TRMT1L: variants seen among roughly 807,000 people sequenced by gnomAD.
TRMT1L encodes the protein tRNA (guanine(27)-N(2))-dimethyltransferase.
A neutral mutation model predicts 81.6 loss-of-function variants in TRMT1L; 28 were observed. That is an observed-to-expected ratio of 0.34 (90% CI 0.25 to 0.47). TRMT1L has a LOEUF of 0.47. TRMT1L is among the 20% of genes least tolerant of loss of function. The probability of loss-of-function intolerance (pLI) is 1.00; values close to 1 mark genes in which losing one functional copy is unlikely to be tolerated. For synonymous variants in TRMT1L, 301 were observed against 303.2 expected (o/e 0.99, Z 0.07); for missense variants, 739 against 877.1 (o/e 0.84, Z 1.99).
At chr1:185,125,188 ATAAG>A (rs1400238031) in intron 11 of TRMT1L, 78 bp from the exon 12 acceptor site, 31 of 998,642 alleles carry the variant, frequency 3.1e-5, no homozygotes, top group South Asian at 1.8e-4. Flanking sequence ...CAATTTAACT[ATAAG>A]TAAGATATAT....
chr1:185,149,977 A>T (rs926377542), intron 3 of TRMT1L, among the ~76,000 whole-genome samples: 7 of 152,154 alleles, frequency 4.6e-5, no homozygotes, highest in Non-Finnish European at 7.4e-5. Flanking sequence ...AGTTTTTTTA[A>T]GCCATCAGCA....
intron 13 of TRMT1L, among the ~76,000 whole-genome samples, chr1:185,121,994 G>A (rs2102226690): frequency 6.6e-6 from 1 of 152,058 alleles, no homozygotes; most frequent in East Asian, 1.9e-4. Context: ...TGATGTCTGT[G>A]AGTACCCAAA....
chr1:185,120,617 T>C, intron 13 of TRMT1L, 108 bp from the exon 14 acceptor site: 1 of 983,554 alleles, frequency 1.0e-6, no homozygotes, highest in Non-Finnish European at 1.3e-6. Context: ...TATTTCAACC[T>C]GACTATCCAA....
At chr1:185,157,428 G>A (rs1653690802), upstream of TRMT1L, 1 of 152,254 alleles carries the variant, frequency 6.6e-6, no homozygotes, top group South Asian at 2.0e-4. Flanking sequence ...GAGTCACACG[G>A]ACCTGGGCGG....
intron 9 of TRMT1L, 66 bp from the exon 10 acceptor site, chr1:185,137,862 C>A: frequency 6.7e-7 from 1 of 1,493,180 alleles, no homozygotes; most frequent in Non-Finnish European, 9.2e-7. Flanking sequence ...ATTATACTGA[C>A]AATATTAACC....
chr1:185,134,538 T>G (rs954582598), intron 10 of TRMT1L, among the ~76,000 whole-genome samples: 5 of 152,254 alleles, frequency 3.3e-5, no homozygotes, highest in Admixed American at 6.5e-5. Flanking sequence ...CTGAATGAGA[T>G]GACTTCTTTG....
chr1:185,121,013 A>G (rs1652488024), intron 13 of TRMT1L: 1 of 152,234 alleles, frequency 6.6e-6, no homozygotes, highest in Admixed American at 6.5e-5. Context: ...ACAAAGAAAA[A>G]CAACACAAAG....
At chr1:185,143,540 C>G in intron 6 of TRMT1L, 104 bp from the exon 7 acceptor site, 1 of 978,708 alleles carries the variant, frequency 1.0e-6, no homozygotes, top group Non-Finnish European at 1.5e-6. Flanking sequence ...ACTGTACAAA[C>G]TATTTCAAAA....
At chr1:185,156,428 G>A (rs1389297365) in intron 1 of TRMT1L, 50 bp downstream of exon 1, 4 of 1,613,322 alleles carry the variant, frequency 2.5e-6, no homozygotes, top group Admixed American at 1.7e-5. Context: ...TCCCAGCAAG[G>A]CGCACTTTCT....
At chr1:185,139,886 A>G in intron 8 of TRMT1L, 87 bp downstream of exon 8, 1 of 1,437,590 alleles carries the variant, frequency 7.0e-7, no homozygotes, top group African/African-American at 1.4e-5. Flanking sequence ...AATAAACAAC[A>G]AAAAACTGTC....
chr1:185,149,327 CAG>C (rs1454452674), intron 3 of TRMT1L, among the ~76,000 whole-genome samples: 2 of 140,900 alleles, frequency 1.4e-5, no homozygotes, highest in Non-Finnish European at 3.0e-5. Flanking sequence ...TTTTAAGAAA[CAG>C]AGTCTCACTC....
In TRMT1L at chr1:185,118,626, A is replaced by T. The variant is rs1203199695; in HGVS notation, c.*1393T>A. 6.6e-6 allele frequency: 1 copy of T among 152,184 alleles called. No individual in the cohort carries two copies. Among genetic ancestry groups the T allele is most frequent in the African/African-American group, 2.4e-5 (1 of 41,458 alleles). The allele number at this position is 152,184 out of a possible 1,614,324, so 9.4% of individuals were successfully genotyped here. ...CAGCAGAATTTTTTTAATGGTCATT[A>T]TAGAAACTAGCTTGCACTTCACCTA... On this transcript the variant is annotated 3_prime_UTR_variant, in exon 15 of 15. Coordinates refer to ENST00000367506, the MANE Select transcript of TRMT1L (RefSeq NM_030934.5).
At chr1:185,141,055 G>T (rs1025088165) in intron 7 of TRMT1L, among the ~76,000 whole-genome samples, 7 of 151,590 alleles carry the variant, frequency 4.6e-5, no homozygotes, top group African/African-American at 1.5e-4. Flanking sequence ...CCTTTTCACA[G>T]TTTTTCCATA....
rs979914976 is a variant in TRMT1L at position 185,119,526 on chromosome 1, G to GT, written c.*492dup. ...TTCTTAAAAATGGGTACATATTTTA[G>GT]TTTTTTAATTGTGAAATACATTATG... On this transcript the variant is annotated 3_prime_UTR_variant, in exon 15 of 15. Transcript: ENST00000367506. The GT allele has an allele frequency of 1.3e-5, 2 of 152,212 alleles. No individual in the cohort carries two copies. The highest frequency in any genetic ancestry group is 2.9e-5 in the Non-Finnish European group (2 of 68,072). 9.4% of individuals were successfully genotyped at this position (152,212 alleles called of 1,614,324 possible).
chr1:185,144,113 T>A, intron 5 of TRMT1L, 84 bp from the exon 6 acceptor site: 2 of 1,264,778 alleles, frequency 1.6e-6, no homozygotes, highest in Non-Finnish European at 1.1e-6. Flanking sequence ...AAAATAATTG[T>A]AAACATCTAA....
At chr1:185,128,787 G>A in intron 10 of TRMT1L, 40 bp from the exon 11 acceptor site, 1 of 1,496,324 alleles carries the variant, frequency 6.7e-7, no homozygotes, top group Middle Eastern at 1.7e-4. Context: ...AAGGAGAAAT[G>A]ACTAATACAA....
At chr1:185,144,610 A>C (rs1653137666) in intron 5 of TRMT1L, among the ~76,000 whole-genome samples, 1 of 151,878 alleles carries the variant, frequency 6.6e-6, no homozygotes, top group Non-Finnish European at 1.5e-5. Flanking sequence ...GTATGTTAGA[A>C]TCATTTAGCT....
At chr1:185,141,357 A>G (rs1653037263) in intron 7 of TRMT1L, among the ~76,000 whole-genome samples, 1 of 152,206 alleles carries the variant, frequency 6.6e-6, no homozygotes, top group Non-Finnish European at 1.5e-5. Context: ...CATTAAAAGA[A>G]GAGGCTGGAA....
At chr1:185,143,213 T>C in intron 7 of TRMT1L, 144 bp downstream of exon 7, 1 of 602,168 alleles carries the variant, frequency 1.7e-6, no homozygotes, top group Non-Finnish European at 2.8e-6. Context: ...CTAATATACA[T>C]TTAAAATTTT....
Sources: allele counts gnomAD v4.1 joint callset (sites outside exome capture counted in the v4.1 genomes callset), GRCh38; gene constraint gnomAD v4.1.1; transcripts MANE v1.5; gene names NCBI Gene and HGNC (gene_info 2026-07-23, HGNC 2026-07-21).